FRMD4B: variants seen among roughly 807,000 people sequenced by gnomAD.
The protein encoded by FRMD4B is FERM domain containing 4B.
Under a neutral mutation model 141.5 loss-of-function variants are expected in FRMD4B, and 74 were observed. The observed-to-expected ratio is 0.52, with a 90% CI of 0.43 to 0.63. The LOEUF (loss-of-function observed/expected upper bound fraction) is 0.63. FRMD4B is among the 30% of genes least tolerant of loss of function. The pLI is 0.00. For synonymous variants in FRMD4B, 506 were observed against 467.9 expected (o/e 1.08, Z -1.05); for missense variants, 1,366 against 1,253.4 (o/e 1.09, Z -1.36).
chr3:69,488,093 A>G (rs757784830), intron 1 of FRMD4B, among the ~76,000 whole-genome samples: 53 of 152,090 alleles, frequency 3.5e-4, no homozygotes, highest in Non-Finnish European at 6.3e-4. Flanking sequence ...AAGAGAAAAA[A>G]AGAAAAAAGG....
chr3:69,205,059 C>CAAAAAAAAAAAAAAAAAAAAAAAAAA (rs33955997), intron 11 of FRMD4B, among the ~76,000 whole-genome samples: 1 of 124,464 alleles, frequency 8.0e-6, no homozygotes, highest in Non-Finnish European at 1.6e-5. Flanking sequence ...ATGTTTTTAA[C>CAAAAAAAAAAAAAAAAAAAAAAAAAA]AAAAAAAAAA....
At chr3:69,307,877 G>A (rs532934065) in intron 3 of FRMD4B, among the ~76,000 whole-genome samples, 2 of 152,188 alleles carry the variant, frequency 1.3e-5, no homozygotes, top group East Asian at 3.9e-4. Flanking sequence ...TCCTCCATCT[G>A]TGTGACTAAC....
intron 1 of FRMD4B, among the ~76,000 whole-genome samples, chr3:69,351,087 A>G (rs1195994622): frequency 6.6e-6 from 1 of 152,176 alleles, no homozygotes. Context: ...AGGAAAAAAA[A>G]AGCAACTGAA....
intron 1 of FRMD4B, among the ~76,000 whole-genome samples, chr3:69,345,552 G>T (rs1702907870): frequency 1.3e-5 from 2 of 152,188 alleles, no homozygotes; most frequent in Non-Finnish European, 2.9e-5. Context: ...GTGGGTCCCT[G>T]ACCCCCGAAT....
intron 1 of FRMD4B, among the ~76,000 whole-genome samples, chr3:69,496,636 AAAGAGAGAGAGAGAG>A (rs1559545698): frequency 0.021 from 2,475 of 118,118 alleles, 27 homozygotes; most frequent in South Asian, 0.07. Context: ...AGAGAGAGAG[AAAGAGAGAGAGAGAG>A]AGAGAGAGAG....
intron 1 of FRMD4B, among the ~76,000 whole-genome samples, chr3:69,510,942 A>G (rs746169972): frequency 3.9e-5 from 6 of 152,198 alleles, no homozygotes; most frequent in East Asian, 1.9e-4. Context: ...CAATAAATCT[A>G]ACCATTTTTT....
rs1238750518 is a variant in FRMD4B, at chr3:69,282,739, G to A, written c.501+5013C>T. 3.9e-5 allele frequency among the ~76,000 whole-genome samples: 6 copies of A among 152,074 alleles called. 1 individual carries two copies. The highest frequency in any genetic ancestry group is 1.2e-4 in the African/African-American group (5 of 41,408). ...TGCAACCTCTGCCTTCCAGGTTCAA[G>A]CGATTCTCCTGCCTCAGCCTCCGGA... On this transcript the variant is annotated intron_variant, in intron 5 of 22. Coordinates refer to ENST00000398540, the MANE Select transcript of FRMD4B (RefSeq NM_015123.3).
intron 1 of FRMD4B, among the ~76,000 whole-genome samples, chr3:69,368,004 T>C (rs17005713): frequency 0.17 from 26,523 of 152,230 alleles, 2,570 homozygotes; most frequent in African/African-American, 0.24. Flanking sequence ...TATCAGTATG[T>C]AAAACATGTT....
chr3:69,455,700 C>T (rs1319641128), intron 1 of FRMD4B, among the ~76,000 whole-genome samples: 2 of 152,186 alleles, frequency 1.3e-5, no homozygotes, highest in Non-Finnish European at 2.9e-5. Context: ...AAGGTGACCC[C>T]AAGTGTGGCT....
chr3:69,435,881 A>G (rs1705252684), intron 1 of FRMD4B, among the ~76,000 whole-genome samples: 2 of 152,212 alleles, frequency 1.3e-5, no homozygotes, highest in African/African-American at 4.8e-5. Flanking sequence ...CATCATGAAT[A>G]TAGCCAGTTT....
intron 1 of FRMD4B, among the ~76,000 whole-genome samples, chr3:69,537,969 A>G (rs181186356): frequency 9.2e-5 from 14 of 152,322 alleles, no homozygotes; most frequent in Admixed American, 9.1e-4. Context: ...GCTGGGGCAA[A>G]GCCCTCAACC....
intron 1 of FRMD4B, among the ~76,000 whole-genome samples, chr3:69,366,109 A>G (rs1185719658): frequency 6.8e-6 from 1 of 146,416 alleles, no homozygotes; most frequent in African/African-American, 2.5e-5. Flanking sequence ...ACACACACAA[A>G]ATTAGCTGGT....
chr3:69,233,277 T>C (rs2093323057), intron 7 of FRMD4B, among the ~76,000 whole-genome samples: 1 of 151,718 alleles, frequency 6.6e-6, no homozygotes, highest in African/African-American at 2.4e-5. Flanking sequence ...AGCCCAGGAG[T>C]TCGAGACCAG....
At chr3:69,480,971 G>C (rs1706111525) in intron 1 of FRMD4B, among the ~76,000 whole-genome samples, 1 of 152,164 alleles carries the variant, frequency 6.6e-6, no homozygotes, top group African/African-American at 2.4e-5. Context: ...AGACTGCTGT[G>C]CTAGCAATCA....
chr3:69,390,634 T>C (rs926450481), upstream of FRMD4B, among the ~76,000 whole-genome samples: 4 of 152,182 alleles, frequency 2.6e-5, no homozygotes, highest in African/African-American at 9.7e-5. Flanking sequence ...GGCTCATGCC[T>C]GTAATCCCAG....
intron 1 of FRMD4B, among the ~76,000 whole-genome samples, chr3:69,448,457 G>T (rs1705443935): frequency 6.6e-6 from 1 of 152,180 alleles, no homozygotes; most frequent in Non-Finnish European, 1.5e-5. Context: ...GGTCTAAAGT[G>T]GTTTTACCAT....
chr3:69,475,300 C>T (rs1253101849), intron 1 of FRMD4B, among the ~76,000 whole-genome samples: 1 of 151,920 alleles, frequency 6.6e-6, no homozygotes, highest in Non-Finnish European at 1.5e-5. Flanking sequence ...TGCTGTGCTG[C>T]ACCCATTAAC....
chr3:69,438,780 C>A (rs1010847650), intron 1 of FRMD4B, among the ~76,000 whole-genome samples: 1 of 152,134 alleles, frequency 6.6e-6, no homozygotes, highest in African/African-American at 2.4e-5. Flanking sequence ...CTCACCCTTC[C>A]ACTCATCCCC....
chr3:69,338,456 TA>T (rs201900076), intron 1 of FRMD4B, among the ~76,000 whole-genome samples: 1,685 of 151,850 alleles, frequency 0.011, 19 homozygotes, highest in Non-Finnish European at 0.016. Context: ...TAAAGTATAA[TA>T]AAAAAAGAAA....
Sources: allele counts gnomAD v4.1 joint callset (sites outside exome capture counted in the v4.1 genomes callset), GRCh38; gene constraint gnomAD v4.1.1; transcripts MANE v1.5; gene names NCBI Gene and HGNC (gene_info 2026-07-23, HGNC 2026-07-21).